Variants in HCN1 observed in about 807,000 individuals in gnomAD.
The protein encoded by HCN1 is potassium/sodium hyperpolarization-activated cyclic nucleotide-gated channel 1.
Under a neutral mutation model 78.9 loss-of-function variants are expected in HCN1, and 13 were observed. The observed-to-expected ratio is 0.16, with a 90% CI of 0.11 to 0.26. The LOEUF is 0.26. Among genes scored for constraint, HCN1 ranks in the 10% least tolerant of loss-of-function variants. HCN1 has a pLI of 1.00. For synonymous variants in HCN1, 552 were observed against 455.5 expected, an observed-to-expected ratio of 1.21 and a Z score of -2.70; for missense variants, 810 against 1,154.3, an observed-to-expected ratio of 0.70 and a Z score of 4.32.
chr5:45,595,250 A>T (rs1744462984), intron 2 of HCN1, among the ~76,000 whole-genome samples: 1 of 152,238 alleles, frequency 6.6e-6, no homozygotes, highest in Admixed American at 6.5e-5. Context: ...TGTGTTTCCC[A>T]GCTGGGTTAC....
chr5:45,537,712 A>G (rs564996108), intron 2 of HCN1, among the ~76,000 whole-genome samples: 7 of 151,174 alleles, frequency 4.6e-5, no homozygotes, highest in Non-Finnish European at 8.9e-5. Flanking sequence ...TAATTTTTGT[A>G]TCTAGGTCTT....
chr5:45,678,152 G>C (rs748905102), intron 1 of HCN1, among the ~76,000 whole-genome samples: 1 of 151,852 alleles, frequency 6.6e-6, no homozygotes, highest in Non-Finnish European at 1.5e-5. Flanking sequence ...GTCCAAATAA[G>C]TGATGGCTAC....
intron 5 of HCN1, among the ~76,000 whole-genome samples, chr5:45,350,779 C>T (rs1229346055): frequency 1.3e-5 from 2 of 151,832 alleles, no homozygotes; most frequent in Non-Finnish European, 2.9e-5. Context: ...TTCACAATTG[C>T]TTCAAAGAGA....
At chr5:45,354,635 A>T (rs892442004) in intron 4 of HCN1, among the ~76,000 whole-genome samples, 1 of 152,024 alleles carries the variant, frequency 6.6e-6, no homozygotes, top group Admixed American at 6.6e-5. Context: ...TTGCAAAAAA[A>T]TTATATTGTT....
intron 5 of HCN1, among the ~76,000 whole-genome samples, chr5:45,312,740 G>A (rs1055632108): frequency 1.3e-5 from 2 of 152,158 alleles, no homozygotes; most frequent in African/African-American, 2.4e-5. Flanking sequence ...GGCTCAGGGG[G>A]TCCCACGCCC....
chr5:45,668,588 T>C (rs1395584479), intron 1 of HCN1, among the ~76,000 whole-genome samples: 2 of 151,956 alleles, frequency 1.3e-5, no homozygotes, highest in Non-Finnish European at 1.5e-5. Flanking sequence ...TGCAAAATTA[T>C]ATGTTTATCT....
rs906496886 is a variant in HCN1 at position 45,255,633 on chromosome 5, T to G, written c.*6288A>C. The G allele has an allele frequency of 1.3e-5, 2 of 152,200 alleles. No homozygotes were observed. Among genetic ancestry groups the G allele is most frequent in the African/African-American group, 4.8e-5 (2 of 41,458 alleles). The allele number at this position is 152,200 out of a possible 1,614,324, so 9.4% of individuals were successfully genotyped here. A position where few individuals can be genotyped will look rare whatever the true frequency, so the allele number is the denominator to read the frequency against. On this transcript the variant is annotated 3_prime_UTR_variant, in exon 8 of 8. Coordinates refer to ENST00000303230, the MANE Select transcript of HCN1 (RefSeq NM_021072.4). ...TGTTAGAAGAGTTAGGCAAACAAGA[T>G]TTAATTTTGAATGCTTGGAAACTAA...
chr5:45,614,809 A>C (rs1333799851), intron 2 of HCN1, among the ~76,000 whole-genome samples: 1 of 152,028 alleles, frequency 6.6e-6, no homozygotes, highest in African/African-American at 2.4e-5. Flanking sequence ...TTGAATTTTC[A>C]ATTTTCTGTT....
intron 3 of HCN1, among the ~76,000 whole-genome samples, chr5:45,434,089 G>T (rs571227434): frequency 2.0e-5 from 3 of 152,300 alleles, no homozygotes; most frequent in African/African-American, 7.2e-5. Context: ...CAGCACAGGT[G>T]ATTTAATAGC....
chr5:45,347,259 T>C (rs1420608607), intron 5 of HCN1, among the ~76,000 whole-genome samples: 1 of 152,050 alleles, frequency 6.6e-6, no homozygotes, highest in Admixed American at 6.5e-5. Flanking sequence ...GCAAACAAGG[T>C]CTGGAATGGA....
intron 2 of HCN1, among the ~76,000 whole-genome samples, chr5:45,481,013 A>G (rs1741640245): frequency 6.6e-6 from 1 of 152,238 alleles, no homozygotes; most frequent in Admixed American, 6.5e-5. Flanking sequence ...CTTAGAGTTT[A>G]AATAATGTTT....
intron 6 of HCN1, among the ~76,000 whole-genome samples, chr5:45,300,878 T>C (rs1745601631): frequency 6.6e-6 from 1 of 152,068 alleles, no homozygotes; most frequent in East Asian, 1.9e-4. Context: ...GAATAACCCA[T>C]ACAAAAGGCT....
intron 3 of HCN1, among the ~76,000 whole-genome samples, chr5:45,431,650 A>G (rs1226584729): frequency 6.6e-6 from 1 of 152,140 alleles, no homozygotes; most frequent in African/African-American, 2.4e-5. Flanking sequence ...TCTTTTGCAC[A>G]TGGCTAACCA....
intron 3 of HCN1, among the ~76,000 whole-genome samples, chr5:45,432,929 G>A (rs950197391): frequency 2.6e-5 from 4 of 152,092 alleles, no homozygotes; most frequent in African/African-American, 9.7e-5. Flanking sequence ...AAGGAGCAAA[G>A]TCACAATTTA....
intron 6 of HCN1, among the ~76,000 whole-genome samples, chr5:45,293,498 A>G (rs1745422248): frequency 6.6e-6 from 1 of 151,992 alleles, no homozygotes. Context: ...ACAAAACAAA[A>G]CAAAACAAAA....
chr5:45,542,079 C>T (rs762988648), intron 2 of HCN1, among the ~76,000 whole-genome samples: 13 of 151,876 alleles, frequency 8.6e-5, no homozygotes, highest in Non-Finnish European at 1.3e-4. Flanking sequence ...AGTGAAAGAG[C>T]CAGATAACTG....
At chr5:45,341,185 AG>A (rs1487623623) in intron 5 of HCN1, among the ~76,000 whole-genome samples, 1 of 152,200 alleles carries the variant, frequency 6.6e-6, no homozygotes, top group African/African-American at 2.4e-5. Context: ...CATTTTAAGA[AG>A]GAATGAGACA....
intron 2 of HCN1, among the ~76,000 whole-genome samples, chr5:45,611,505 C>T (rs80124556): frequency 6.6e-6 from 1 of 151,868 alleles, no homozygotes; most frequent in African/African-American, 2.4e-5. Flanking sequence ...CTCCTGAGCT[C>T]AAGTGACTTG....
intron 5 of HCN1, among the ~76,000 whole-genome samples, chr5:45,335,050 G>C (rs1166377963): frequency 6.6e-6 from 1 of 151,980 alleles, no homozygotes; most frequent in Non-Finnish European, 1.5e-5. Flanking sequence ...TTCATGCTCT[G>C]TGAAAATGAA....
Sources: gnomAD v4.1 joint callset for allele counts (sites outside exome capture counted in the v4.1 genomes callset) on GRCh38, gnomAD v4.1.1 for gene constraint, MANE v1.5 for transcripts, NCBI Gene and HGNC (gene_info 2026-07-23, HGNC 2026-07-21) for gene names.